ZNF589: variants seen among roughly 807,000 people sequenced by gnomAD.
The protein encoded by ZNF589 is zinc finger protein 589.
In ZNF589, 17 loss-of-function variants were observed where a neutral mutation model predicts 13.6. The observed-to-expected ratio is 1.25, with a 90% CI of 0.86 to 1.88. The LOEUF (loss-of-function observed/expected upper bound fraction) is 1.88. ZNF589 is among the 40% of genes most tolerant of loss of function. The probability of loss-of-function intolerance (pLI) is 0.00; values close to 1 mark genes in which losing one functional copy is unlikely to be tolerated. For synonymous variants in ZNF589, 148 were observed against 161.6 expected (o/e 0.92, Z 0.64); for missense variants, 407 against 434.0 (o/e 0.94, Z 0.55).
At chr3:48,241,441 T>C (rs1029201303) in intron 1 of ZNF589, among the ~76,000 whole-genome samples, 1 of 152,270 alleles carries the variant, frequency 6.6e-6, no homozygotes, top group African/African-American at 2.4e-5. Flanking sequence ...ATCCTGCACT[T>C]GTGCACTCCG....
chr3:48,247,005 C>T (rs1342004725), intron 1 of ZNF589, among the ~76,000 whole-genome samples: 2 of 151,916 alleles, frequency 1.3e-5, no homozygotes, highest in Non-Finnish European at 2.9e-5. Context: ...TGGAGTTTTG[C>T]TGTTGCCCAA....
At chr3:48,250,310 T>TC (rs1358142669) in intron 2 of ZNF589, among the ~76,000 whole-genome samples, 13 of 148,264 alleles carry the variant, frequency 8.8e-5, no homozygotes, top group African/African-American at 3.2e-4. Context: ...TACTTTCTTT[T>TC]TTTTTTTTTT....
intron 3 of ZNF589, among the ~76,000 whole-genome samples, chr3:48,262,403 CT>C (rs1401079527): frequency 1.3e-5 from 2 of 151,980 alleles, no homozygotes; most frequent in Non-Finnish European, 2.9e-5. Flanking sequence ...GTTAGCCAGT[CT>C]GGTCTCGAAC....
chr3:48,242,988 G>A (rs2033715281), intron 1 of ZNF589, among the ~76,000 whole-genome samples: 1 of 151,646 alleles, frequency 6.6e-6, no homozygotes, highest in Non-Finnish European at 1.5e-5. Context: ...CGCAAGAATT[G>A]CTTGAACCTT....
rs1049187171 is a variant in ZNF589 at position 48,246,761 on chromosome 3, C to T, written c.44-864C>T. Among the ~76,000 whole-genome samples, 6 of 152,094 alleles carry T rather than the reference C, an allele frequency of 3.9e-5. No individual in the cohort carries two copies. The South Asian group carries it at 1.0e-3, about 26-fold the overall frequency. On this transcript the variant is annotated intron_variant, in intron 1 of 3. Transcript: ENST00000354698. Reference sequence around the variant, plus strand: ...TCGGCACACTGCAAGCTCTGCCTCCCGGGTTCATGCCATTCTCCTGCCTCA... The same window carrying T: ...TCGGCACACTGCAAGCTCTGCCTCCTGGGTTCATGCCATTCTCCTGCCTCA...
At chr3:48,259,297 C>T (rs1016251849) in intron 2 of ZNF589, among the ~76,000 whole-genome samples, 2 of 152,212 alleles carry the variant, frequency 1.3e-5, no homozygotes, top group African/African-American at 4.8e-5. Context: ...ACTCTTAGCT[C>T]AGCATCATTA....
rs890759313 is a variant in ZNF589 at position 48,268,816 on chromosome 3, C to T, written c.*30C>T. 6 of 1,588,502 alleles carry T rather than the reference C, an allele frequency of 3.8e-6. No individual in the cohort carries two copies. Among genetic ancestry groups the T allele is most frequent in the Admixed American group, 1.7e-5 (1 of 57,540 alleles). ...GAGGCTTTGTAAGGAGATCATGTCT[C>T]AACACACACCAGAGGATACATTCAG... On this transcript the variant is annotated 3_prime_UTR_variant, in exon 4 of 4. Transcript: ENST00000354698.
At chr3:48,255,593 AAGTGATTCTCCTGCCTC>A (rs2033890648) in intron 2 of ZNF589, among the ~76,000 whole-genome samples, 1 of 147,570 alleles carries the variant, frequency 6.8e-6, no homozygotes, top group Non-Finnish European at 1.5e-5. Context: ...TCCCGGGTTC[AAGTGATTCTCCTGCCTC>A]AGCCTCCCGA....
chr3:48,267,968 A>C lies in ZNF589; in HGVS notation c.277A>C (p.Ser93Arg), dbSNP rs1214268043. The change falls in exon 4 of 4, where the codon AGT (serine) becomes CGT (arginine). Residue 93 changes from serine to arginine, a missense_variant. By Grantham distance (110) the Ser-to-Arg change is moderately radical. Coordinates refer to ENST00000354698, the MANE Select transcript of ZNF589 (RefSeq NM_016089.3). ...TCPSCPLAFG[S>R]QQFLSQDELH... ...CCCTTCTTGCCCTCTGGCCTTTGGC[A>C]GTCAGCAGTTCCTCAGCCAAGATGA... 1.2e-6 allele frequency: 2 copies of C among 1,613,698 alleles called. No individual in the cohort carries two copies. Among genetic ancestry groups the C allele is most frequent in the Non-Finnish European group, 8.5e-7 (1 of 1,180,044 alleles).
chr3:48,251,005 C>T (rs1288112060), intron 2 of ZNF589, among the ~76,000 whole-genome samples: 2 of 152,184 alleles, frequency 1.3e-5, no homozygotes, highest in Non-Finnish European at 2.9e-5. Context: ...CCCACCTCGG[C>T]CTCCCAAAGT....
rs1357202482 is a variant in ZNF589, at chr3:48,270,309, G to T, written c.*1523G>T. On this transcript the variant is annotated 3_prime_UTR_variant, in exon 4 of 4. Transcript: ENST00000354698. ...CACTCTAAAAGTTCTTCAGACTCAGGACTTAAACATAGCCACGCCACCTTG... is the reference window on the plus strand; with the variant it reads ...CACTCTAAAAGTTCTTCAGACTCAGTACTTAAACATAGCCACGCCACCTTG... The T allele has an allele frequency of 2.3e-5, 10 of 442,650 alleles. No homozygotes were observed. The highest frequency in any genetic ancestry group is 1.3e-4 in the South Asian group (8 of 63,064). 27.4% of individuals were successfully genotyped at this position (442,650 alleles called of 1,614,324 possible). A position where few individuals can be genotyped will look rare whatever the true frequency, so the allele number is the denominator to read the frequency against.
intron 3 of ZNF589, 112 bp downstream of exon 3, chr3:48,261,051 A>G: frequency 8.2e-7 from 1 of 1,221,706 alleles, no homozygotes; most frequent in Non-Finnish European, 1.2e-6. Flanking sequence ...AGAATAATAA[A>G]GCATTTCTTC....
intron 1 of ZNF589, 125 bp from the exon 2 acceptor site, chr3:48,247,500 A>G: frequency 5.8e-6 from 5 of 868,666 alleles, no homozygotes; most frequent in Non-Finnish European, 9.1e-6. Flanking sequence ...AGGTGAGAGG[A>G]GCTCAGGGTC....
intron 2 of ZNF589, chr3:48,256,847 G>T: frequency 7.8e-7 from 1 of 1,286,714 alleles, no homozygotes; most frequent in Non-Finnish European, 1.1e-6. Flanking sequence ...ACCACGAGCT[G>T]GAAGCTGAGA....
At chr3:48,254,625 C>G (rs1575293273) in intron 2 of ZNF589, among the ~76,000 whole-genome samples, 1 of 152,050 alleles carries the variant, frequency 6.6e-6, no homozygotes, top group East Asian at 1.9e-4. Flanking sequence ...TTGTTTAGAT[C>G]ATCTTTGATT....
intron 2 of ZNF589, among the ~76,000 whole-genome samples, chr3:48,249,980 T>C (rs1337990817): frequency 6.6e-6 from 1 of 152,024 alleles, no homozygotes; most frequent in African/African-American, 2.4e-5. Context: ...ATACAAAAAT[T>C]AGCTGTGTGT....
intron 1 of ZNF589, among the ~76,000 whole-genome samples, chr3:48,242,641 T>G (rs1333957969): frequency 6.6e-6 from 1 of 152,174 alleles, no homozygotes; most frequent in African/African-American, 2.4e-5. Flanking sequence ...GTGGTAAATG[T>G]TTCAGGCTTT....
intron 1 of ZNF589, among the ~76,000 whole-genome samples, chr3:48,245,870 C>G (rs192370775): frequency 9.9e-4 from 151 of 151,830 alleles, no homozygotes; most frequent in African/African-American, 2.9e-3. Context: ...TTGCTTGAAC[C>G]CAGGAGGCGG....
chr3:48,258,038 T>A, intron 2 of ZNF589: 1 of 379,686 alleles, frequency 2.6e-6, no homozygotes, highest in Admixed American at 4.0e-5. Flanking sequence ...TATATTAGGA[T>A]AAGTTGTCTA....
Sources: allele counts gnomAD v4.1 joint callset (sites outside exome capture counted in the v4.1 genomes callset), GRCh38; gene constraint gnomAD v4.1.1; transcripts MANE v1.5; gene names NCBI Gene and HGNC (gene_info 2026-07-23, HGNC 2026-07-21).